The following CSMD1 variants were observed in gnomAD, a reference collection of about 807,000 sequenced individuals.
CSMD1 encodes the protein CUB and Sushi multiple domains 1.
Under a neutral mutation model 417.5 loss-of-function variants are expected in CSMD1, and 213 were observed. That is an observed-to-expected ratio of 0.51 (90% confidence interval 0.46 to 0.57). The LOEUF is 0.57. Among genes scored for constraint, CSMD1 ranks in the 20% least tolerant of loss-of-function variants. The pLI is 0.00. For missense variants in CSMD1, 6,923 were observed against 4,529.7 expected, an observed-to-expected ratio of 1.53 and a Z score of -15.17; for synonymous variants, 2,862 against 1,736.8, an observed-to-expected ratio of 1.65 and a Z score of -16.11.
intron 8 of CSMD1, among the ~76,000 whole-genome samples, chr8:3,588,183 T>G (rs1800688066): frequency 6.6e-6 from 1 of 152,122 alleles, no homozygotes; most frequent in African/African-American, 2.4e-5. Context: ...CATCATTCTT[T>G]CAATATATTG....
intron 25 of CSMD1, among the ~76,000 whole-genome samples, chr8:3,292,439 C>A (rs574323780): frequency 6.6e-6 from 1 of 152,002 alleles, no homozygotes. Context: ...TTAAAGTCTC[C>A]CATTATTATT....
At chr8:4,241,592 G>T (rs777686746) in intron 3 of CSMD1, among the ~76,000 whole-genome samples, 2 of 152,122 alleles carry the variant, frequency 1.3e-5, no homozygotes, top group Non-Finnish European at 2.9e-5. Flanking sequence ...TAAATACCCG[G>T]AACACAAGTT....
intron 41 of CSMD1, among the ~76,000 whole-genome samples, chr8:3,123,389 C>G (rs1817318778): frequency 6.6e-6 from 1 of 152,168 alleles, no homozygotes; most frequent in Non-Finnish European, 1.5e-5. Flanking sequence ...CCCAATACTG[C>G]TATTTGGACC....
At chr8:4,312,465 G>GTATATATATATATATATATATA (rs140158264) in intron 3 of CSMD1, among the ~76,000 whole-genome samples, 22 of 119,232 alleles carry the variant, frequency 1.8e-4, no homozygotes, top group Non-Finnish European at 3.5e-4. Context: ...ATATATGCGC[G>GTATATATATATATATATATATA]TATATATATA....
At chr8:4,029,530 G>C (rs1797233366) in intron 4 of CSMD1, among the ~76,000 whole-genome samples, 1 of 152,058 alleles carries the variant, frequency 6.6e-6, no homozygotes, top group African/African-American at 2.4e-5. Flanking sequence ...GAACAGCGCA[G>C]GAAAGAACTG....
chr8:4,440,173 TTAA>T (rs1032731912), intron 2 of CSMD1, among the ~76,000 whole-genome samples: 1 of 152,208 alleles, frequency 6.6e-6, no homozygotes, highest in Non-Finnish European at 1.5e-5. Flanking sequence ...TCTTTCTAGA[TTAA>T]TAATGTAGAA....
Position 3,937,055 on chromosome 8 carries a change from C to T in CSMD1, c.818+60848G>A, listed in dbSNP as rs1235620346. Among the ~76,000 whole-genome samples the T allele has an allele frequency of 2.0e-5, 3 of 152,262 alleles. No individual in the cohort carries two copies. In the East Asian group the frequency reaches 5.8e-4, roughly 29 times the overall value. On this transcript the variant is annotated intron_variant, in intron 5 of 69. Transcript: ENST00000635120. The stretch of plus-strand genomic sequence containing the variant: ...GTAACTTCAGACATGTTGAAAACAG[C>T]AAGAGAAACAGAATTAGAAGTAGAA...
chr8:4,262,871 G>C (rs962843081), intron 3 of CSMD1, among the ~76,000 whole-genome samples: 4 of 152,122 alleles, frequency 2.6e-5, no homozygotes, highest in African/African-American at 7.2e-5. Flanking sequence ...AATAAAAACA[G>C]CATTTGCAAC....
At chr8:2,973,759 G>T (rs1164513508) in intron 56 of CSMD1, among the ~76,000 whole-genome samples, 1 of 151,966 alleles carries the variant, frequency 6.6e-6, no homozygotes, top group Non-Finnish European at 1.5e-5. Flanking sequence ...AGAAACATTC[G>T]TGAAAAAAAT....
Position 3,905,323 on chromosome 8 carries a change from G to T in CSMD1, c.818+92580C>A, listed in dbSNP as rs898657373. On this transcript the variant is annotated intron_variant, in intron 5 of 69. Coordinates refer to ENST00000635120, the MANE Select transcript of CSMD1 (RefSeq NM_033225.6). Reference sequence around the variant, plus strand: ...TAAAGAAGGTTAGTGACAGGTACCTGATCTTAAATCCAACATAAAAGTTGA... The same window carrying T: ...TAAAGAAGGTTAGTGACAGGTACCTTATCTTAAATCCAACATAAAAGTTGA... 3.3e-5 allele frequency among the ~76,000 whole-genome samples: 5 copies of T among 152,142 alleles called. No homozygotes were observed. In the East Asian group the frequency reaches 7.7e-4, roughly 23 times the overall value.
At chr8:3,308,592 C>G (rs185594155) in intron 23 of CSMD1, 89 bp from the exon 24 acceptor site, 10 of 1,034,616 alleles carry the variant, frequency 9.7e-6, no homozygotes, top group Non-Finnish European at 1.4e-5. Context: ...TTGCTAAATG[C>G]TCCTTGAAGG....
At chr8:3,598,555 C>T (rs1200919085) in intron 8 of CSMD1, among the ~76,000 whole-genome samples, 1 of 152,178 alleles carries the variant, frequency 6.6e-6, no homozygotes, top group African/African-American at 2.4e-5. Context: ...TTCCTCTACG[C>T]TCTGTCTACA....
chr8:4,706,783 C>G (rs548773057), intron 1 of CSMD1, among the ~76,000 whole-genome samples: 3 of 152,190 alleles, frequency 2.0e-5, no homozygotes, highest in Non-Finnish European at 4.4e-5. Context: ...ACAGAAGACG[C>G]ATTTGAGAAA....
At chr8:2,959,406 T>C (rs1803274900) in intron 62 of CSMD1, among the ~76,000 whole-genome samples, 1 of 152,158 alleles carries the variant, frequency 6.6e-6, no homozygotes, top group Non-Finnish European at 1.5e-5. Context: ...GCCCACTTCC[T>C]CTCTATCAGG....
chr8:4,827,099 G>A (rs1166165367), intron 1 of CSMD1, among the ~76,000 whole-genome samples: 2 of 152,216 alleles, frequency 1.3e-5, no homozygotes, highest in Non-Finnish European at 2.9e-5. Flanking sequence ...CAATGCCCTT[G>A]TCCTCAGGTG....
At chr8:3,697,898 G>C (rs1013898235) in intron 7 of CSMD1, among the ~76,000 whole-genome samples, 3 of 151,738 alleles carry the variant, frequency 2.0e-5, no homozygotes, top group African/African-American at 7.3e-5. Context: ...TACGCAAAGT[G>C]AGTTTTTCCC....
In CSMD1 at chr8:4,287,774, G is replaced by C. The variant is rs146769034; in HGVS notation, c.415+132179C>G. On this transcript the variant is annotated intron_variant, in intron 3 of 69. Coordinates refer to ENST00000635120, the MANE Select transcript of CSMD1 (RefSeq NM_033225.6). ...ACTGAAAGTGGACCCGGTCGGTTGAGCGAGTTGGACTCATACTATCTCTCC... is the reference window on the plus strand; with the variant it reads ...ACTGAAAGTGGACCCGGTCGGTTGACCGAGTTGGACTCATACTATCTCTCC... Among the ~76,000 whole-genome samples, 178 of 151,964 alleles carry C rather than the reference G, an allele frequency of 1.2e-3. 1 individual carries two copies. The highest frequency in any genetic ancestry group is 4.2e-3 in the African/African-American group (174 of 41,484).
At chr8:4,382,866 C>T (rs1803194136) in intron 3 of CSMD1, among the ~76,000 whole-genome samples, 1 of 152,132 alleles carries the variant, frequency 6.6e-6, no homozygotes, top group African/African-American at 2.4e-5. Flanking sequence ...ACAAGGAGCT[C>T]AAGGCGCAGT....
intron 8 of CSMD1, among the ~76,000 whole-genome samples, chr8:3,604,807 G>A (rs1347026023): frequency 1.3e-5 from 2 of 152,070 alleles, no homozygotes; most frequent in Non-Finnish European, 1.5e-5. Context: ...GGGCATCAAC[G>A]TGATAGCATT....
Sources: gnomAD v4.1 joint callset for allele counts (sites outside exome capture counted in the v4.1 genomes callset) on GRCh38, gnomAD v4.1.1 for gene constraint, MANE v1.5 for transcripts, NCBI Gene and HGNC (gene_info 2026-07-23, HGNC 2026-07-21) for gene names.